HHLA2: variants seen among roughly 807,000 people sequenced by gnomAD.
The protein encoded by HHLA2 is HERV-H LTR-associating protein 2.
In HHLA2, 48 loss-of-function variants were observed where a neutral mutation model predicts 45.9. That is an observed-to-expected ratio of 1.05 (90% confidence interval 0.83 to 1.33). HHLA2 has a LOEUF of 1.33. HHLA2 is among the 40% of genes most tolerant of loss of function. The pLI, the probability that HHLA2 is intolerant of heterozygous loss-of-function variation, is 0.00. For synonymous variants in HHLA2, 161 were observed against 173.9 expected (o/e 0.93, Z 0.59); for missense variants, 462 against 494.3 (o/e 0.93, Z 0.62).
At position 108,298,117 on chromosome 3, in the gene HHLA2, G is replaced by A. The variant is rs118067229; in HGVS notation, c.-192+1518G>A. 1.1e-3 allele frequency among the ~76,000 whole-genome samples: 166 copies of A among 152,270 alleles called. 3 individuals carry two copies. In the East Asian group the frequency reaches 0.029, roughly 26 times the overall value. ...CTTTTCCAAGTATCTGCATAGCAGCGACCCAGGGGCTATCCAAGAGCCAGT... is the reference window on the plus strand; with the variant it reads ...CTTTTCCAAGTATCTGCATAGCAGCAACCCAGGGGCTATCCAAGAGCCAGT... On this transcript the variant is annotated intron_variant, in intron 1 of 10. Coordinates refer to ENST00000619531, the Ensembl canonical transcript of HHLA2.
At chr3:108,328,904 AAG>A (rs1432737941) in intron 3 of HHLA2, among the ~76,000 whole-genome samples, 1 of 152,124 alleles carries the variant, frequency 6.6e-6, no homozygotes, top group Non-Finnish European at 1.5e-5. Context: ...GGGGTCTCTA[AAG>A]ACTCTTTTGC....
At chr3:108,369,226 G>C (rs2082120497) in intron 8 of HHLA2, among the ~76,000 whole-genome samples, 1 of 152,182 alleles carries the variant, frequency 6.6e-6, no homozygotes, top group South Asian at 2.1e-4. Context: ...CTAAAGCAGT[G>C]TTGAGAGGGA....
At chr3:108,355,126 C>G in exon 6 of HHLA2, 1 of 1,611,920 alleles carries the variant, frequency 6.2e-7, no homozygotes, top group Non-Finnish European at 8.5e-7. Flanking sequence ...TTTTCTCACA[C>G]CCGTGATGAA....
chr3:108,314,529 C>A (rs1164991876), intron 2 of HHLA2, among the ~76,000 whole-genome samples: 1 of 151,932 alleles, frequency 6.6e-6, no homozygotes, highest in Non-Finnish European at 1.5e-5. Context: ...TTTTCCTGAC[C>A]CCAGATACCT....
At chr3:108,330,917 T>C (rs1033905458) in intron 3 of HHLA2, among the ~76,000 whole-genome samples, 1 of 152,160 alleles carries the variant, frequency 6.6e-6, no homozygotes, top group Admixed American at 6.5e-5. Context: ...TTGTGAAAGA[T>C]AAGGGTTAGG....
chr3:108,302,060 G>A (rs773079179), intron 1 of HHLA2, among the ~76,000 whole-genome samples: 2 of 152,110 alleles, frequency 1.3e-5, no homozygotes, highest in Non-Finnish European at 2.9e-5. Flanking sequence ...TTTGATTTCT[G>A]TGTTGCTATT....
At chr3:108,347,939 G>A (rs1269212975) in intron 3 of HHLA2, among the ~76,000 whole-genome samples, 1 of 152,102 alleles carries the variant, frequency 6.6e-6, no homozygotes, top group Non-Finnish European at 1.5e-5. Flanking sequence ...GTTTTGTTGT[G>A]TTTGGGGTGG....
chr3:108,350,236 A>ACTAT (rs1428356967), intron 3 of HHLA2, among the ~76,000 whole-genome samples: 1 of 152,124 alleles, frequency 6.6e-6, no homozygotes, highest in African/African-American at 2.4e-5. Flanking sequence ...GACTTTACCA[A>ACTAT]CTATCTTAGT....
intron 1 of HHLA2, 50 bp from the exon 2 acceptor site, chr3:108,310,605 G>A (rs940863534): frequency 3.3e-5 from 5 of 152,558 alleles, no homozygotes; most frequent in African/African-American, 1.2e-4. Flanking sequence ...TTGGCAGTGA[G>A]AATAAATTTG....
chr3:108,370,514 C>T (rs999350508), intron 8 of HHLA2, among the ~76,000 whole-genome samples: 17 of 151,860 alleles, frequency 1.1e-4, no homozygotes, highest in African/African-American at 2.2e-4. Context: ...AGGCTTCAGA[C>T]GATCAAACTA....
chr3:108,317,971 C>G (rs1055025686), intron 2 of HHLA2, among the ~76,000 whole-genome samples: 1 of 151,918 alleles, frequency 6.6e-6, no homozygotes, highest in Admixed American at 6.6e-5. Flanking sequence ...CACCTGAGGT[C>G]GGGAATTCGA....
At chr3:108,353,954 C>T (rs11711542) in intron 5 of HHLA2, among the ~76,000 whole-genome samples, 174 bp downstream of exon 4, 28,357 of 152,132 alleles carry the variant, frequency 0.19, 3,115 homozygotes, top group Non-Finnish European at 0.25. Context: ...TACAACTGTT[C>T]CCCTGTTGGT....
At chr3:108,337,049 T>G (rs11927653) in intron 3 of HHLA2, among the ~76,000 whole-genome samples, 3,476 of 152,172 alleles carry the variant, frequency 0.023, 137 homozygotes, top group African/African-American at 0.077. Context: ...GAAATGGCAT[T>G]TCCAAGAGTA....
intron 7 of HHLA2, among the ~76,000 whole-genome samples, chr3:108,361,937 T>G (rs1215386299): frequency 1.3e-5 from 2 of 152,194 alleles, no homozygotes; most frequent in African/African-American, 4.8e-5. Flanking sequence ...ATTATTCCTT[T>G]ATAAAAATGT....
intron 3 of HHLA2, among the ~76,000 whole-genome samples, chr3:108,330,979 C>T (rs1025866539): frequency 2.0e-5 from 3 of 152,128 alleles, no homozygotes; most frequent in African/African-American, 7.2e-5. Flanking sequence ...TGGTGAGGTC[C>T]CCAAGGAAAG....
intron 4 of HHLA2, among the ~76,000 whole-genome samples, chr3:108,352,297 C>A (rs954516333): frequency 6.6e-6 from 1 of 152,198 alleles, no homozygotes; most frequent in African/African-American, 2.4e-5. Flanking sequence ...TCACTCTTTT[C>A]CTTTCCCATC....
chr3:108,355,545 T>C (rs1323073525), intron 6 of HHLA2, among the ~76,000 whole-genome samples, 164 bp downstream of exon 5: 1 of 152,242 alleles, frequency 6.6e-6, no homozygotes, highest in African/African-American at 2.4e-5. Context: ...CTTCTGGCTG[T>C]ATTACATTAA....
In HHLA2 at chr3:108,357,297, A is replaced by G. The variant is rs931536869; in HGVS notation, c.686-547A>G. On this transcript the variant is annotated intron_variant, in intron 6 of 10. Transcript: ENST00000619531. ...GAGCTGGGTCTGGAGGGGCAAGCCA[A>G]GAAAATTCAGCAGTCTCTCTTTAAA... is the stretch of plus-strand genomic sequence containing the variant. 5.3e-5 allele frequency among the ~76,000 whole-genome samples: 8 copies of G among 152,350 alleles called. No homozygotes were observed. The East Asian group carries it at 1.5e-3, about 29-fold the overall frequency.
At chr3:108,336,364 T>G (rs2081471738) in intron 3 of HHLA2, among the ~76,000 whole-genome samples, 1 of 152,158 alleles carries the variant, frequency 6.6e-6, no homozygotes, top group South Asian at 2.1e-4. Flanking sequence ...GACATGGATC[T>G]AGGAACCAAG....
Sources: allele counts gnomAD v4.1 joint callset (sites outside exome capture counted in the v4.1 genomes callset), GRCh38; gene constraint gnomAD v4.1.1; transcripts MANE v1.5; gene names NCBI Gene and HGNC (gene_info 2026-07-23, HGNC 2026-07-21).